The following ZFP69 variants were observed in gnomAD, a reference collection of about 807,000 sequenced individuals.
ZFP69 encodes ZFP69 zinc finger protein.
A neutral mutation model predicts 48.9 loss-of-function variants in ZFP69; 35 were observed. The ratio of observed to expected loss-of-function variants is 0.72; its 90% CI spans 0.55 to 0.95. The LOEUF (loss-of-function observed/expected upper bound fraction) is 0.95. Among genes scored for constraint, ZFP69 ranks in the 40% least tolerant of loss-of-function variants. ZFP69 has a pLI of 0.00. For missense variants in ZFP69, 557 were observed against 638.4 expected (o/e 0.87, Z 1.37); for synonymous variants, 193 against 216.8 (o/e 0.89, Z 0.96).
intron 3 of ZFP69, among the ~76,000 whole-genome samples, chr1:40,485,499 T>C (rs983094418): frequency 6.6e-6 from 1 of 152,198 alleles, no homozygotes; most frequent in African/African-American, 2.4e-5. Flanking sequence ...AATAGTAAAC[T>C]GTCTTATAAC....
intron 1 of ZFP69, 72 bp from the exon 2 acceptor site, chr1:40,478,964 C>A (rs1557535813): frequency 4.6e-6 from 1 of 217,618 alleles, no homozygotes; most frequent in Non-Finnish European, 9.3e-6. Context: ...CGTCCAGGAA[C>A]ATGTATTATA....
intron 3 of ZFP69, among the ~76,000 whole-genome samples, chr1:40,482,222 A>T (rs1645449969): frequency 6.6e-6 from 1 of 152,248 alleles, no homozygotes; most frequent in South Asian, 2.1e-4. Flanking sequence ...ATGTGTAAGA[A>T]GGTTCTTTCT....
At chr1:40,490,470 C>T (rs79489292) in intron 5 of ZFP69, among the ~76,000 whole-genome samples, 4,396 of 152,268 alleles carry the variant, frequency 0.029, 95 homozygotes, top group Non-Finnish European at 0.041. Flanking sequence ...CCCTTCCTTA[C>T]CCCTTTCCTT....
chr1:40,489,448 TACCAGAAG>T, intron 4 of ZFP69, 73 bp from the exon 5 acceptor site: 1 of 1,328,114 alleles, frequency 7.5e-7, no homozygotes, highest in South Asian at 1.3e-5. Context: ...AGACCCTGAA[TACCAGAAG>T]ACTCAAAATT....
Position 40,495,940 on chromosome 1 carries a change from CAT to C in ZFP69, c.1463_1464del (p.His488ProfsTer10). ...TTCATCCTTTAAAAAACATCAGAGA[CAT>C]CACACTGGAGAAAAACCTTACGAAT... The part of the protein sequence containing the change: ...HDSSFKKHQR[H>X]HTGEKPYECN... On this transcript the variant is annotated frameshift_variant, in exon 6 of 6. Coordinates refer to ENST00000372706, the MANE Select transcript of ZFP69 (RefSeq NM_001320179.2). LOFTEE classifies it high-confidence loss of function. The C allele has an allele frequency of 6.2e-7, 1 of 1,614,138 alleles. No homozygotes were observed. The highest frequency in any genetic ancestry group is 8.5e-7 in the Non-Finnish European group (1 of 1,180,034).
chr1:40,479,394 C>G lies in ZFP69; in HGVS notation c.33C>G (p.Thr11=), dbSNP rs749267214. The G allele has an allele frequency of 1.2e-6, 2 of 1,614,058 alleles. No homozygotes were observed. Among genetic ancestry groups the G allele is most frequent in the East Asian group, 2.2e-5 (1 of 44,870 alleles). The change falls in exon 2 of 6, where the codon ACC becomes ACG. Residue 11 remains threonine, a synonymous_variant. Coordinates refer to ENST00000372706, the MANE Select transcript of ZFP69 (RefSeq NM_001320179.2). MPQQLLITLP[T]EASTWVKLQH... is the part of the protein sequence containing the mutation. ...AGCAGCTCCTGATCACCCTGCCTAC[C>G]GAGGCCAGCACCTGGGTGAAGCTGC...
chr1:40,477,377 G>C lies in ZFP69; in HGVS notation c.-844G>C, dbSNP rs912233637. 4 of 152,160 alleles carry C rather than the reference G, an allele frequency of 2.6e-5. No individual in the cohort carries two copies. Among genetic ancestry groups the C allele is most frequent in the Admixed American group, 2.6e-4 (4 of 15,280 alleles). The allele number at this position is 152,160 out of a possible 1,614,324, so 9.4% of individuals were successfully genotyped here. ...GGACCGCCAGGGCTGCAGCGAGAGC[G>C]GCCGGCGGTGCAAGCGGCCGGGAGG... is the stretch of plus-strand genomic sequence containing the variant. On this transcript the variant is annotated 5_prime_UTR_variant, in exon 1 of 6. Coordinates refer to ENST00000372706, the MANE Select transcript of ZFP69 (RefSeq NM_001320179.2). This position sits in a 1 kb window ranked among gnomAD's most constrained non-coding sequence, Gnocchi z 4.0.
At chr1:40,486,465 CCCT>C (rs1645500258) in intron 3 of ZFP69, among the ~76,000 whole-genome samples, 1 of 104,934 alleles carries the variant, frequency 9.5e-6, no homozygotes, top group Non-Finnish European at 1.9e-5. Context: ...ATCCCTCCCT[CCCT>C]CCTTTCTTCC....
chr1:40,485,311 CAT>C (rs774845705), intron 3 of ZFP69, among the ~76,000 whole-genome samples: 75 of 152,088 alleles, frequency 4.9e-4, no homozygotes, highest in East Asian at 1.6e-3. Context: ...TAACATTACA[CAT>C]GTTACAAAAG....
At chr1:40,484,179 CT>C (rs2124444574) in intron 3 of ZFP69, among the ~76,000 whole-genome samples, 2 of 152,142 alleles carry the variant, frequency 1.3e-5, no homozygotes, top group East Asian at 3.9e-4. Context: ...TTATTTGTTT[CT>C]CTTTTCCTGC....
At chr1:40,485,386 C>G (rs552343163) in intron 3 of ZFP69, among the ~76,000 whole-genome samples, 6 of 151,980 alleles carry the variant, frequency 3.9e-5, no homozygotes, top group African/African-American at 4.8e-5. Flanking sequence ...GAAAGACTTA[C>G]GTTATATTTT....
intron 5 of ZFP69, among the ~76,000 whole-genome samples, chr1:40,491,891 C>G (rs79112759): frequency 0.058 from 8,832 of 151,764 alleles, 367 homozygotes; most frequent in African/African-American, 0.11. Context: ...GTCAGTGGCC[C>G]ATCTTTGACT....
At chr1:40,491,765 G>A (rs6600340) in intron 5 of ZFP69, among the ~76,000 whole-genome samples, 7,083 of 35,536 alleles carry the variant, frequency 0.2, 196 homozygotes, top group Middle Eastern at 0.33. Context: ...GTGTGTGTAT[G>A]TGTGTGTGTG....
At chr1:40,488,109 G>A (rs1645521982) in intron 3 of ZFP69, among the ~76,000 whole-genome samples, 2 of 151,614 alleles carry the variant, frequency 1.3e-5, no homozygotes, top group East Asian at 1.9e-4. Flanking sequence ...CGAACACTTT[G>A]AGGGGCCAAG....
chr1:40,493,980 A>G (rs2124462311), intron 5 of ZFP69, among the ~76,000 whole-genome samples: 1 of 152,292 alleles, frequency 6.6e-6, no homozygotes, highest in South Asian at 2.1e-4. Flanking sequence ...TTCCATGAAC[A>G]TATTAATAAC....
rs1393325658 is a variant in ZFP69, at chr1:40,496,110, G to C, written c.*51G>C. On this transcript the variant is annotated 3_prime_UTR_variant, in exon 6 of 6. Transcript: ENST00000372706. ...AAGCCAAGTGTAAATTGGTGATTTA[G>C]AGTGCTTTAAAATTTCAGGACTCAG... 6.6e-7 allele frequency: 1 copy of C among 1,509,658 alleles called. No individual in the cohort carries two copies. Among genetic ancestry groups the C allele is most frequent in the Middle Eastern group, 1.9e-4 (1 of 5,360 alleles). The allele number at this position is 1,509,658 out of a possible 1,614,324, so 93.5% of individuals were successfully genotyped here.
At chr1:40,487,911 G>T (rs1645518713) in intron 3 of ZFP69, among the ~76,000 whole-genome samples, 1 of 152,110 alleles carries the variant, frequency 6.6e-6, no homozygotes, top group Non-Finnish European at 1.5e-5. Flanking sequence ...GCTGGGCGTG[G>T]TGGCGTGCGC....
intron 3 of ZFP69, among the ~76,000 whole-genome samples, chr1:40,487,165 C>T (rs968497642): frequency 8.5e-5 from 13 of 152,166 alleles, no homozygotes; most frequent in South Asian, 4.2e-4. Context: ...CCTCATGATC[C>T]GCCCGCATCA....
chr1:40,479,517 AG>A (rs763439638), intron 2 of ZFP69, 29 bp downstream of exon 2: 7 of 1,592,118 alleles, frequency 4.4e-6, no homozygotes. Context: ...AGGGGGAAGA[AG>A]GGGATCTCAT....
Sources: allele counts gnomAD v4.1 joint callset (sites outside exome capture counted in the v4.1 genomes callset), GRCh38; gene constraint gnomAD v4.1.1; non-coding constraint Gnocchi (gnomAD v3.1); transcripts MANE v1.5; gene names NCBI Gene and HGNC (gene_info 2026-07-23, HGNC 2026-07-21).